Variants in CNTN5 observed in about 807,000 individuals in gnomAD.
CNTN5 encodes the protein contactin 5, also known as contactin-5.
Under a neutral mutation model 129.1 loss-of-function variants are expected in CNTN5, and 77 were observed. The ratio of observed to expected loss-of-function variants is 0.60; its 90% CI spans 0.50 to 0.72. The LOEUF is 0.72. CNTN5 is among the 30% of genes least tolerant of loss of function. The probability of loss-of-function intolerance (pLI) is 0.00; values close to 1 mark genes in which losing one functional copy is unlikely to be tolerated. For missense variants in CNTN5, 1,478 were observed against 1,328.8 expected (o/e 1.11, Z -1.75); for synonymous variants, 509 against 465.6 (o/e 1.09, Z -1.20).
intron 6 of CNTN5, among the ~76,000 whole-genome samples, chr11:99,900,691 G>C (rs539689471): frequency 3.3e-5 from 5 of 152,010 alleles, no homozygotes; most frequent in Non-Finnish European, 1.5e-5. Flanking sequence ...GAGGTCAAAT[G>C]ATTAGATCTT....
intron 2 of CNTN5, among the ~76,000 whole-genome samples, chr11:99,337,897 A>G (rs1000291436): frequency 3.3e-5 from 5 of 152,184 alleles, no homozygotes; most frequent in African/African-American, 1.2e-4. Flanking sequence ...ATAAATCTGT[A>G]CTAAATGTTG....
At chr11:99,425,413 C>T (rs570904552) in intron 2 of CNTN5, among the ~76,000 whole-genome samples, 4 of 152,338 alleles carry the variant, frequency 2.6e-5, no homozygotes, top group South Asian at 4.1e-4. Flanking sequence ...CAAGGTTGTT[C>T]GTGCTGAGAG....
chr11:100,205,572 A>G (rs1004116892), intron 15 of CNTN5, among the ~76,000 whole-genome samples: 4 of 152,096 alleles, frequency 2.6e-5, no homozygotes, highest in African/African-American at 7.2e-5. Flanking sequence ...TGAAGCCTCT[A>G]TTGAGCATTT....
intron 1 of CNTN5, among the ~76,000 whole-genome samples, chr11:99,220,034 T>G (rs1322252946): frequency 6.6e-6 from 1 of 151,994 alleles, no homozygotes; most frequent in Non-Finnish European, 1.5e-5. Flanking sequence ...TACATAGATC[T>G]TCATGCAACT....
intron 13 of CNTN5, among the ~76,000 whole-genome samples, chr11:100,094,368 A>C (rs984136879): frequency 2.0e-5 from 3 of 152,178 alleles, no homozygotes; most frequent in Non-Finnish European, 2.9e-5. Context: ...ACTTTAATCC[A>C]GTCCGTCTGC....
chr11:99,228,565 CTGTG>C (rs1395761035), intron 1 of CNTN5, among the ~76,000 whole-genome samples: 4 of 152,044 alleles, frequency 2.6e-5, no homozygotes, highest in African/African-American at 9.7e-5. Flanking sequence ...ATTACACAGT[CTGTG>C]TGTGTAACAA....
At chr11:99,960,558 T>G (rs1950916277) in intron 8 of CNTN5, among the ~76,000 whole-genome samples, 1 of 152,200 alleles carries the variant, frequency 6.6e-6, no homozygotes, top group Non-Finnish European at 1.5e-5. Flanking sequence ...TGGATGTGTT[T>G]TTCATACTAA....
chr11:100,059,063 T>C (rs906059237), intron 9 of CNTN5, among the ~76,000 whole-genome samples: 1 of 152,134 alleles, frequency 6.6e-6, no homozygotes, highest in Non-Finnish European at 1.5e-5. Flanking sequence ...ATATAAATAG[T>C]ACTAAATAAA....
rs571217210 is a variant in CNTN5 at position 99,584,909 on chromosome 11, G to T, written c.55+28640G>T. On this transcript the variant is annotated intron_variant, in intron 3 of 24. Coordinates refer to ENST00000524871, the MANE Select transcript of CNTN5 (RefSeq NM_014361.4). ...TCTTAAAAGTGAACTGAGTAGGCCTGTTGCTGCAAGGGAAACAACTAACAA... is the reference window on the plus strand; with the variant it reads ...TCTTAAAAGTGAACTGAGTAGGCCTTTTGCTGCAAGGGAAACAACTAACAA... Among the ~76,000 whole-genome samples the T allele has an allele frequency of 2.0e-5, 3 of 152,244 alleles. No homozygotes were observed. In the South Asian group the frequency reaches 6.2e-4, roughly 32 times the overall value.
chr11:99,227,974 C>T (rs1187229939), intron 1 of CNTN5, among the ~76,000 whole-genome samples: 1 of 152,034 alleles, frequency 6.6e-6, no homozygotes, highest in Non-Finnish European at 1.5e-5. Context: ...CATCATTAAA[C>T]ATTTTGGTAA....
chr11:99,220,677 A>C (rs1236964128), intron 1 of CNTN5, among the ~76,000 whole-genome samples: 4 of 152,026 alleles, frequency 2.6e-5, no homozygotes, highest in African/African-American at 9.6e-5. Flanking sequence ...AAAGGAACTT[A>C]TATAATTTTA....
At chr11:100,326,612 C>T (rs1025141745) in intron 21 of CNTN5, among the ~76,000 whole-genome samples, 1 of 152,156 alleles carries the variant, frequency 6.6e-6, no homozygotes, top group African/African-American at 2.4e-5. Flanking sequence ...TTCCAATCTG[C>T]CCTTTATATT....
chr11:99,996,478 C>T (rs952099572), intron 8 of CNTN5, among the ~76,000 whole-genome samples: 14 of 152,086 alleles, frequency 9.2e-5, no homozygotes, highest in Non-Finnish European at 1.9e-4. Context: ...ATATCACTTC[C>T]CTTCACATAT....
At chr11:99,373,711 CAAAAA>C (rs57363059) in intron 2 of CNTN5, among the ~76,000 whole-genome samples, 1 of 95,968 alleles carries the variant, frequency 1.0e-5, no homozygotes, top group Non-Finnish European at 2.0e-5. Flanking sequence ...AACTCCGTCT[CAAAAA>C]AAAAAAAAAA....
intron 21 of CNTN5, chr11:100,337,629 G>T (rs1205826897): frequency 1.0e-5 from 7 of 694,250 alleles, no homozygotes; most frequent in South Asian, 4.1e-5. Flanking sequence ...AGAATAACGG[G>T]AACTAATTGG....
intron 3 of CNTN5, among the ~76,000 whole-genome samples, chr11:99,750,246 C>T (rs1944187259): frequency 1.3e-5 from 2 of 152,036 alleles, no homozygotes; most frequent in African/African-American, 4.8e-5. Context: ...CATGTCTTTT[C>T]ATCACAAAAG....
chr11:99,290,552 A>C (rs750340887), intron 1 of CNTN5, among the ~76,000 whole-genome samples: 1 of 151,846 alleles, frequency 6.6e-6, no homozygotes, highest in Non-Finnish European at 1.5e-5. Flanking sequence ...CTACAGAAAG[A>C]GGTATTTACA....
chr11:99,086,888 T>A (rs907366045), intron 1 of CNTN5, among the ~76,000 whole-genome samples: 1 of 152,190 alleles, frequency 6.6e-6, no homozygotes, highest in Admixed American at 6.5e-5. Flanking sequence ...AGCTTCCCAC[T>A]CTTTTACATA....
At chr11:99,373,711 C>T (rs7111551) in intron 2 of CNTN5, among the ~76,000 whole-genome samples, 2,680 of 96,416 alleles carry the variant, frequency 0.028, 352 homozygotes, top group African/African-American at 0.09. Context: ...AACTCCGTCT[C>T]AAAAAAAAAA....
Sources: allele counts gnomAD v4.1 joint callset (sites outside exome capture counted in the v4.1 genomes callset), GRCh38; gene constraint gnomAD v4.1.1; transcripts MANE v1.5; gene names NCBI Gene and HGNC (gene_info 2026-07-23, HGNC 2026-07-21).